The following RPS3 variants were observed in gnomAD, a reference collection of about 807,000 sequenced individuals.
The protein encoded by RPS3 is small ribosomal subunit protein uS3.
RPS3 carries 2 observed loss-of-function variants against 25.8 expected under a neutral mutation model. The observed-to-expected ratio is 0.08, with a 90% CI of 0.03 to 0.24. The LOEUF is 0.24. Among genes scored for constraint, RPS3 ranks in the 10% least tolerant of loss-of-function variants. RPS3 has a pLI of 1.00. For synonymous variants in RPS3, 114 were observed against 114.2 expected (o/e 1.00, Z 0.01); for missense variants, 107 against 307.1 (o/e 0.35, Z 4.87).
At chr11:75,399,607 C>A in intron 1 of RPS3, 30 bp downstream of exon 1, 1 of 1,605,792 alleles carries the variant, frequency 6.2e-7, no homozygotes, top group African/African-American at 1.3e-5. Context: ...GTTCGGAGAA[C>A]GACGGCGCCG....
intron 6 of RPS3, among the ~76,000 whole-genome samples, chr11:75,414,027 G>T (rs1190609778): frequency 6.6e-6 from 1 of 152,190 alleles, no homozygotes; most frequent in Non-Finnish European, 1.5e-5. Flanking sequence ...CGATTTTTCA[G>T]CTGTCCCTTT....
intron 6 of RPS3, among the ~76,000 whole-genome samples, chr11:75,414,797 G>T (rs1343562929): frequency 1.3e-5 from 2 of 152,156 alleles, no homozygotes; most frequent in African/African-American, 4.8e-5. Flanking sequence ...GACCCAGAGG[G>T]TGAGCCAGTC....
chr11:75,409,377 G>A (rs1948320813), downstream of RPS3, among the ~76,000 whole-genome samples: 1 of 136,386 alleles, frequency 7.3e-6, no homozygotes, highest in South Asian at 2.5e-4. Flanking sequence ...ATTAGGGAGT[G>A]GTGATGCCTC....
intron 6 of RPS3, among the ~76,000 whole-genome samples, chr11:75,417,540 T>A (rs1314100781): frequency 6.6e-6 from 1 of 152,144 alleles, no homozygotes; most frequent in African/African-American, 2.4e-5. Context: ...GAGGTTACAG[T>A]GAGCCGAGAT....
chr11:75,417,677 G>T (rs527766006), intron 6 of RPS3, among the ~76,000 whole-genome samples: 1 of 152,312 alleles, frequency 6.6e-6, no homozygotes, highest in South Asian at 2.1e-4. Context: ...GAGGTGGGAG[G>T]ATCACTTGAG....
At chr11:75,401,754 C>T in intron 3 of RPS3, 21 bp downstream of exon 3, 1 of 1,363,980 alleles carries the variant, frequency 7.3e-7, no homozygotes. Flanking sequence ...CTGGCATATG[C>T]CAGAGGTAAT....
chr11:75,407,230 C>G (rs1194102007), downstream of RPS3, among the ~76,000 whole-genome samples: 1 of 152,208 alleles, frequency 6.6e-6, no homozygotes. Flanking sequence ...CCTCCGCCTC[C>G]TGGGTTCAAG....
chr11:75,420,813 TAAGG>T (rs1434341625), intron 6 of RPS3, among the ~76,000 whole-genome samples: 2 of 151,654 alleles, frequency 1.3e-5, no homozygotes, highest in Admixed American at 1.3e-4. Flanking sequence ...GGGCAGCGGA[TAAGG>T]AAGGGGCACA....
chr11:75,409,721 G>A (rs1165247332), downstream of RPS3, among the ~76,000 whole-genome samples: 2 of 150,454 alleles, frequency 1.3e-5, no homozygotes, highest in Non-Finnish European at 3.0e-5. Flanking sequence ...AGACGGGGTC[G>A]TGGCCGGGCA....
At chr11:75,421,652 C>G (rs1948447419) in intron 6 of RPS3, 1 of 152,256 alleles carries the variant, frequency 6.6e-6, no homozygotes, top group African/African-American at 2.4e-5. Flanking sequence ...TGCCCCCACC[C>G]TGGGCCTGCA....
intron 3 of RPS3, 66 bp downstream of exon 3, chr11:75,401,799 C>T: frequency 4.5e-6 from 4 of 896,416 alleles, no homozygotes; most frequent in East Asian, 2.4e-5. Context: ...AAACTCTCAA[C>T]TTGGAGACTT....
At chr11:75,414,009 T>C (rs7107476) in intron 6 of RPS3, among the ~76,000 whole-genome samples, 4,251 of 152,252 alleles carry the variant, frequency 0.028, 181 homozygotes, top group African/African-American at 0.096. Flanking sequence ...CCAGACTCCC[T>C]CAGTGAACGA....
Position 75,404,280 on chromosome 11 carries a change from T to G in RPS3, c.538+73T>G, listed in dbSNP as rs1565164410. 2 of 1,380,650 alleles carry G rather than the reference T, an allele frequency of 1.4e-6. No homozygotes were observed. The highest frequency in any genetic ancestry group is 2.0e-6 in the Non-Finnish European group (2 of 983,700). 85.5% of individuals were successfully genotyped at this position (1,380,650 alleles called of 1,614,324 possible). On this transcript the variant is annotated intron_variant, in intron 5 of 6. Coordinates refer to ENST00000531188, the MANE Select transcript of RPS3 (RefSeq NM_001005.5). This position sits in a 1 kb window ranked among gnomAD's most constrained non-coding sequence, Gnocchi z 4.6. ...GTTTTCCACAGACATCTTAAGTATTTGGGGGAGTTTATCATGGAAGTAGCT... is the reference window on the plus strand; with the variant it reads ...GTTTTCCACAGACATCTTAAGTATTGGGGGGAGTTTATCATGGAAGTAGCT...
downstream of RPS3, among the ~76,000 whole-genome samples, chr11:75,408,886 A>C (rs1948314977): frequency 6.6e-6 from 1 of 152,182 alleles, no homozygotes; most frequent in African/African-American, 2.4e-5. Flanking sequence ...TGTAGAGCTC[A>C]GGTGAGCACT....
chr11:75,409,819 C>T (rs1948327392), downstream of RPS3, among the ~76,000 whole-genome samples: 1 of 81,714 alleles, frequency 1.2e-5, no homozygotes, highest in Middle Eastern at 5.7e-3. Flanking sequence ...GGGGGGCTGA[C>T]CCCCCCACCT....
chr11:75,411,623 C>G (rs1948357142), downstream of RPS3, among the ~76,000 whole-genome samples: 1 of 151,252 alleles, frequency 6.6e-6, no homozygotes, highest in East Asian at 2.0e-4. Context: ...ATCTCCTGAC[C>G]TCATGATCCA....
At chr11:75,418,608 G>A (rs1948420180) in intron 6 of RPS3, among the ~76,000 whole-genome samples, 1 of 152,064 alleles carries the variant, frequency 6.6e-6, no homozygotes, top group South Asian at 2.1e-4. Flanking sequence ...GAATAAATTG[G>A]TCTCGAATTA....
chr11:75,402,021 C>G, intron 3 of RPS3: 1 of 546,270 alleles, frequency 1.8e-6, no homozygotes, highest in Non-Finnish European at 3.3e-6. Context: ...GGGCAAGGAA[C>G]CTGCATTGTG....
downstream of RPS3, among the ~76,000 whole-genome samples, chr11:75,410,685 G>T (rs1283536048): frequency 1.3e-5 from 2 of 152,234 alleles, no homozygotes; most frequent in Admixed American, 1.3e-4. Flanking sequence ...CTGCACTCCA[G>T]CCTGGGCACC....
Sources: allele counts gnomAD v4.1 joint callset (sites outside exome capture counted in the v4.1 genomes callset), GRCh38; gene constraint gnomAD v4.1.1; non-coding constraint Gnocchi (gnomAD v3.1); transcripts MANE v1.5; gene names NCBI Gene and HGNC (gene_info 2026-07-23, HGNC 2026-07-21).